Variants in RCOR1 observed in about 807,000 individuals in gnomAD.
The protein encoded by RCOR1 is REST corepressor.
Under a neutral mutation model 64.0 loss-of-function variants are expected in RCOR1, and 12 were observed. That is an observed-to-expected ratio of 0.19 (90% CI 0.12 to 0.30). The LOEUF is 0.30. RCOR1 is among the 10% of genes least tolerant of loss of function. The pLI is 1.00. For synonymous variants in RCOR1, 279 were observed against 227.2 expected (o/e 1.23, Z -2.05); for missense variants, 502 against 621.2 (o/e 0.81, Z 2.04).
chr14:102,690,769 C>T (rs887781812), intron 3 of RCOR1, among the ~76,000 whole-genome samples: 1 of 152,188 alleles, frequency 6.6e-6, no homozygotes, highest in African/African-American at 2.4e-5. Context: ...CATCACCGGA[C>T]ATCGTATTAT....
At chr14:102,653,931 CTTTCTTTCTT>C (rs1894649797) in intron 2 of RCOR1, among the ~76,000 whole-genome samples, 1 of 27,420 alleles carries the variant, frequency 3.6e-5, no homozygotes, top group South Asian at 1.0e-3. Context: ...TTCTTTCTTT[CTTTCTTTCTT>C]TCTTTCTTTC....
intron 2 of RCOR1, among the ~76,000 whole-genome samples, chr14:102,652,557 C>T (rs1372985794): frequency 6.6e-6 from 1 of 152,082 alleles, no homozygotes; most frequent in Non-Finnish European, 1.5e-5. Context: ...GAACAGTTCC[C>T]TTCAAATGTT....
chr14:102,677,364 C>T (rs1458623766), intron 2 of RCOR1, among the ~76,000 whole-genome samples: 5 of 139,572 alleles, frequency 3.6e-5, no homozygotes, highest in South Asian at 2.2e-4. Flanking sequence ...CCCTCCCGGA[C>T]GGGGTGGCTG....
chr14:102,634,601 CGTGTGTGTGTGTATGT>C (rs1399879680), intron 2 of RCOR1, among the ~76,000 whole-genome samples: 1 of 150,724 alleles, frequency 6.6e-6, no homozygotes, highest in Non-Finnish European at 1.5e-5. Flanking sequence ...GTTTATATTA[CGTGTGTGTGTGTATGT>C]ATGTGTGTGT....
At chr14:102,632,722 CCTTTCTT>C (rs1894148455) in intron 2 of RCOR1, among the ~76,000 whole-genome samples, 1 of 85,576 alleles carries the variant, frequency 1.2e-5, no homozygotes, top group African/African-American at 5.0e-5. Flanking sequence ...CCTTTCCTTT[CCTTTCTT>C]CTCCCCTCCC....
chr14:102,700,985 C>T (rs1895746168), intron 3 of RCOR1, among the ~76,000 whole-genome samples: 1 of 152,190 alleles, frequency 6.6e-6, no homozygotes, highest in African/African-American at 2.4e-5. Context: ...TGGCGGCAGG[C>T]AAAGAGAGCT....
At chr14:102,651,645 T>A (rs983008799) in intron 2 of RCOR1, among the ~76,000 whole-genome samples, 4 of 152,200 alleles carry the variant, frequency 2.6e-5, no homozygotes, top group African/African-American at 7.2e-5. Flanking sequence ...ATGTATCTTA[T>A]TTTTTGGCTT....
At chr14:102,658,437 A>G in intron 2 of RCOR1, 2 of 792,188 alleles carry the variant, frequency 2.5e-6, no homozygotes, top group Non-Finnish European at 3.1e-6. Flanking sequence ...GCAGTGAGCC[A>G]AGATCACACC....
rs3069199 is a variant in RCOR1, at chr14:102,627,960, G to GGTGTGTGTGT, written c.361+34648_361+34657dup. On this transcript the variant is annotated intron_variant, in intron 2 of 11. Transcript: ENST00000262241. ...TTTATATATGCATAAATTTAAAAGG[G>GGTGTGTGTGT]GTGTGTGTGTGTGTGTGTGTGTAAA... Among the ~76,000 whole-genome samples the GGTGTGTGTGT allele has an allele frequency of 1.3e-3, 188 of 149,070 alleles. 2 individuals are homozygous for GGTGTGTGTGT. Among genetic ancestry groups the GGTGTGTGTGT allele is most frequent in the African/African-American group, 4.3e-3 (176 of 40,770 alleles).
chr14:102,668,588 T>C lies in RCOR1; in HGVS notation c.362-13307T>C, dbSNP rs149172333. Among the ~76,000 whole-genome samples, 1,424 of 152,310 alleles carry C rather than the reference T, an allele frequency of 9.3e-3. 23 individuals are homozygous for C. The highest frequency in any genetic ancestry group is 0.032 in the African/African-American group (1,348 of 41,568). On this transcript the variant is annotated intron_variant, in intron 2 of 11. Coordinates refer to ENST00000262241, the MANE Select transcript of RCOR1 (RefSeq NM_015156.4). The stretch of plus-strand genomic sequence containing the variant: ...GTCTGTCTTCTCTCCCTGTCCAGCT[T>C]TGTTCTTGCCTGCCTTTTTATTTTT...
chr14:102,615,937 C>T (rs965433331), intron 2 of RCOR1, among the ~76,000 whole-genome samples: 5 of 152,188 alleles, frequency 3.3e-5, no homozygotes, highest in African/African-American at 1.2e-4. Context: ...TGGGCAGCAG[C>T]TGGGCATCCT....
chr14:102,645,737 C>T (rs78335162), intron 2 of RCOR1, among the ~76,000 whole-genome samples: 3,565 of 152,248 alleles, frequency 0.023, 133 homozygotes, highest in African/African-American at 0.077. Context: ...TCCGTGATTT[C>T]TGTAGGTCAG....
At chr14:102,698,331 A>T (rs1334472258) in intron 3 of RCOR1, among the ~76,000 whole-genome samples, 1 of 152,232 alleles carries the variant, frequency 6.6e-6, no homozygotes. Flanking sequence ...CAGATAACAT[A>T]TGCCCAAGAA....
intron 5 of RCOR1, 123 bp from the exon 6 acceptor site, chr14:102,708,342 C>T (rs577185686): frequency 2.4e-4 from 149 of 624,968 alleles, no homozygotes; most frequent in African/African-American, 2.4e-3. Flanking sequence ...CCTCGTGATC[C>T]GCCTGCCTTA....
At position 102,717,932 on chromosome 14, in the gene RCOR1, C is replaced by T. The variant is rs985277730; in HGVS notation, c.1054-3075C>T. 3.9e-5 allele frequency among the ~76,000 whole-genome samples: 6 copies of T among 151,994 alleles called. 1 individual carries two copies. Among genetic ancestry groups the T allele is most frequent in the African/African-American group, 1.2e-4 (5 of 41,386 alleles). Reference sequence around the variant, plus strand: ...CACAGTGCAGCAGTGTGTTCATTGCCAAATGTGCTTCTAGACTCAAAATGG... The same window carrying T: ...CACAGTGCAGCAGTGTGTTCATTGCTAAATGTGCTTCTAGACTCAAAATGG... On this transcript the variant is annotated intron_variant, in intron 8 of 11. Coordinates refer to ENST00000262241, the MANE Select transcript of RCOR1 (RefSeq NM_015156.4).
intron 2 of RCOR1, among the ~76,000 whole-genome samples, chr14:102,643,063 A>G (rs1440278252): frequency 2.6e-5 from 4 of 152,200 alleles, no homozygotes; most frequent in Non-Finnish European, 4.4e-5. Context: ...CGGGCAGATC[A>G]CGAGGTCAGG....
chr14:102,685,311 T>C (rs1895394862), intron 3 of RCOR1, among the ~76,000 whole-genome samples: 1 of 151,836 alleles, frequency 6.6e-6, no homozygotes, highest in Non-Finnish European at 1.5e-5. Context: ...GTTATCTAAT[T>C]TTTTTTTACT....
chr14:102,653,404 G>A (rs1894632901), intron 2 of RCOR1, among the ~76,000 whole-genome samples: 1 of 152,126 alleles, frequency 6.6e-6, no homozygotes, highest in Non-Finnish European at 1.5e-5. Flanking sequence ...ATTTTTGGTA[G>A]AGACAGGGTT....
chr14:102,654,408 T>G (rs1254844418), intron 2 of RCOR1, among the ~76,000 whole-genome samples: 2 of 152,180 alleles, frequency 1.3e-5, no homozygotes, highest in Admixed American at 1.3e-4. Context: ...CAAGATGTAG[T>G]TCTAATTTGA....
Sources: gnomAD v4.1 joint callset for allele counts (sites outside exome capture counted in the v4.1 genomes callset) on GRCh38, gnomAD v4.1.1 for gene constraint, MANE v1.5 for transcripts, NCBI Gene and HGNC (gene_info 2026-07-23, HGNC 2026-07-21) for gene names.